PPP1R13B: variants seen among roughly 807,000 people sequenced by gnomAD.
PPP1R13B encodes protein phosphatase 1 regulatory subunit 13B.
Under a neutral mutation model 119.8 loss-of-function variants are expected in PPP1R13B, and 44 were observed. The observed-to-expected ratio is 0.37, with a 90% confidence interval of 0.29 to 0.47. The LOEUF (loss-of-function observed/expected upper bound fraction) is 0.47. Ranked by LOEUF, PPP1R13B falls within the 20% of genes least tolerant of loss-of-function variation. The pLI is 0.99. For synonymous variants in PPP1R13B, 542 were observed against 561.5 expected (o/e 0.97, Z 0.49); for missense variants, 1,227 against 1,413.5 (o/e 0.87, Z 2.12).
intron 3 of PPP1R13B, among the ~76,000 whole-genome samples, chr14:103,782,643 G>C (rs747315455): frequency 2.6e-4 from 39 of 152,144 alleles, no homozygotes; most frequent in Non-Finnish European, 4.4e-4. Flanking sequence ...GCTATTAACT[G>C]TTTTAATCTT....
chr14:103,846,957 G>T, intron 1 of PPP1R13B: 1 of 1,210,632 alleles, frequency 8.3e-7, no homozygotes, highest in South Asian at 1.5e-5. Flanking sequence ...TTTCAGGCGG[G>T]TCACAGCTGC....
chr14:103,771,307 C>CA (rs776942165), intron 4 of PPP1R13B, among the ~76,000 whole-genome samples: 3 of 152,086 alleles, frequency 2.0e-5, no homozygotes, highest in African/African-American at 4.8e-5. Flanking sequence ...GGAAAACGAG[C>CA]AGCTCATTGT....
chr14:103,813,811 G>C (rs2086215286), intron 1 of PPP1R13B, among the ~76,000 whole-genome samples: 1 of 152,066 alleles, frequency 6.6e-6, no homozygotes, highest in Admixed American at 6.6e-5. Flanking sequence ...TCTTAGTGTG[G>C]GTTCATGGTC....
chr14:103,774,656 C>A (rs903363600), intron 4 of PPP1R13B, among the ~76,000 whole-genome samples: 1 of 152,180 alleles, frequency 6.6e-6, no homozygotes, highest in Non-Finnish European at 1.5e-5. Context: ...ACACTCCCCC[C>A]TTTCTTCACA....
Position 103,749,714 on chromosome 14 carries a change from A to C in PPP1R13B, c.969+80T>G, listed in dbSNP as rs931044186. On this transcript the variant is annotated intron_variant, in intron 8 of 16. Coordinates refer to ENST00000202556, the MANE Select transcript of PPP1R13B (RefSeq NM_015316.3). ...TATCAGTTATGGTGGATGGGGGAGC[A>C]TACTGCTACTTACAGAAGATGGGCA... 2.2e-6 allele frequency: 3 copies of C among 1,392,904 alleles called. No homozygotes were observed. In the African/African-American group the frequency reaches 4.3e-5, roughly 20 times the overall value. 86.3% of individuals were successfully genotyped at this position (1,392,904 alleles called of 1,614,324 possible). A position where few individuals can be genotyped will look rare whatever the true frequency, so the allele number is the denominator to read the frequency against.
intron 1 of PPP1R13B, among the ~76,000 whole-genome samples, chr14:103,798,713 A>T (rs1053147129): frequency 2.0e-5 from 3 of 151,832 alleles, no homozygotes; most frequent in Admixed American, 2.0e-4. Flanking sequence ...ACTTTATTTT[A>T]TTTTTTTGAG....
intron 2 of PPP1R13B, among the ~76,000 whole-genome samples, chr14:103,792,540 T>C (rs1269470483): frequency 6.6e-6 from 1 of 152,114 alleles, no homozygotes; most frequent in Admixed American, 6.6e-5. Context: ...TAACTGAACA[T>C]AATTTTCGTT....
At chr14:103,757,797 T>C (rs1358451969) in intron 4 of PPP1R13B, 46 bp from the exon 5 acceptor site, 4 of 1,531,300 alleles carry the variant, frequency 2.6e-6, no homozygotes, top group African/African-American at 2.7e-5. Flanking sequence ...ATCTGCATAA[T>C]TGTCTGTCTC....
At chr14:103,750,928 G>C (rs552831550) in intron 7 of PPP1R13B, among the ~76,000 whole-genome samples, 1 of 150,656 alleles carries the variant, frequency 6.6e-6, no homozygotes, top group South Asian at 2.1e-4. Context: ...GGCCAAGGTA[G>C]GCAGATCACG....
Position 103,742,342 on chromosome 14 carries a change from G to T in PPP1R13B, c.1321-51C>A. 2 of 1,499,020 alleles carry T rather than the reference G, an allele frequency of 1.3e-6. No individual in the cohort carries two copies. Among genetic ancestry groups the T allele is most frequent in the South Asian group, 1.3e-5 (1 of 75,284 alleles). The allele number at this position is 1,499,020 out of a possible 1,614,324, so 92.9% of individuals were successfully genotyped here. The stretch of plus-strand genomic sequence containing the variant: ...ACAAAGTCACCCTTTGAACAGTTAA[G>T]AATATTTCCACCCACATTCCCAAGA... On this transcript the variant is annotated intron_variant, in intron 10 of 16. Transcript: ENST00000202556. This position sits in a 1 kb window ranked among gnomAD's most constrained non-coding sequence, Gnocchi z 4.9.
At chr14:103,778,654 C>T in intron 4 of PPP1R13B, 91 bp downstream of exon 4, 1 of 1,005,258 alleles carries the variant, frequency 9.9e-7, no homozygotes, top group Middle Eastern at 2.1e-4. Context: ...GATCCTCCCA[C>T]CTTGGCCTCC....
Position 103,821,806 on chromosome 14 carries a change from T to G in PPP1R13B, c.10-24288A>C, listed in dbSNP as rs557750648. 1.1e-4 allele frequency among the ~76,000 whole-genome samples: 16 copies of G among 151,960 alleles called. No individual in the cohort carries two copies. The South Asian group carries it at 3.3e-3, about 32-fold the overall frequency. ...AAATAAAGAGGAGCTGACCACAAAA[T>G]AGATCTATAATATGATTTGAAAACA... On this transcript the variant is annotated intron_variant, in intron 1 of 16. Transcript: ENST00000202556.
intron 2 of PPP1R13B, among the ~76,000 whole-genome samples, chr14:103,793,211 GAAAAGGA>G (rs1177795967): frequency 5.6e-5 from 8 of 142,734 alleles, no homozygotes; most frequent in African/African-American, 2.1e-4. Context: ...GGAAAGGAAA[GAAAAGGA>G]AAGAAAAGGA....
chr14:103,737,899 G>T, intron 14 of PPP1R13B, 39 bp from the exon 15 acceptor site: 1 of 1,593,116 alleles, frequency 6.3e-7, no homozygotes, highest in East Asian at 2.3e-5. Context: ...GCCTGGCACT[G>T]CCTGTCCTGT....
At chr14:103,793,463 T>C (rs2085678955) in intron 2 of PPP1R13B, among the ~76,000 whole-genome samples, 2 of 152,156 alleles carry the variant, frequency 1.3e-5, no homozygotes, top group African/African-American at 4.8e-5. Context: ...GCTGCCTTGC[T>C]TTCCCTTCAC....
Position 103,740,056 on chromosome 14 carries a change from G to T in PPP1R13B, c.2360C>A (p.Pro787Gln). The T allele has an allele frequency of 6.2e-7, 1 of 1,614,006 alleles. No individual in the cohort carries two copies. The highest frequency in any genetic ancestry group is 1.1e-5 in the South Asian group (1 of 91,078). The change falls in exon 12 of 17, where the codon CCG becomes CAG. Residue 787 changes from proline to glutamine, a missense_variant. Coordinates refer to ENST00000202556, the MANE Select transcript of PPP1R13B (RefSeq NM_015316.3). This position sits in a 1 kb window ranked among gnomAD's most constrained non-coding sequence, Gnocchi z 4.6. Reference sequence around the variant, plus strand: ...CTCATTATCATTGGCATCTGATGACGGGGCAGGCTCAGCGGGGAGTGGGGC... The same window carrying T: ...CTCATTATCATTGGCATCTGATGACTGGGCAGGCTCAGCGGGGAGTGGGGC... ...PTAPLPAEPAPSSDANDNELP... is the reference protein window; with the variant it reads ...PTAPLPAEPAQSSDANDNELP...
intron 1 of PPP1R13B, chr14:103,818,483 G>A: frequency 1.0e-6 from 1 of 981,454 alleles, no homozygotes; most frequent in Non-Finnish European, 1.2e-6. Flanking sequence ...TCAGGTACCT[G>A]TTTTCACACA....
chr14:103,767,460 C>G (rs74086576), intron 4 of PPP1R13B, among the ~76,000 whole-genome samples: 3,357 of 152,120 alleles, frequency 0.022, 114 homozygotes, highest in African/African-American at 0.076. Flanking sequence ...GGAGTTGTGA[C>G]ACCATTGCAA....
At chr14:103,781,677 A>C (rs2085337550) in intron 3 of PPP1R13B, among the ~76,000 whole-genome samples, 1 of 152,168 alleles carries the variant, frequency 6.6e-6, no homozygotes, top group Non-Finnish European at 1.5e-5. Context: ...TTTGAAACAC[A>C]GTCTCGCTCT....
Sources: allele counts gnomAD v4.1 joint callset (sites outside exome capture counted in the v4.1 genomes callset), GRCh38; gene constraint gnomAD v4.1.1; non-coding constraint Gnocchi (gnomAD v3.1); transcripts MANE v1.5; gene names NCBI Gene and HGNC (gene_info 2026-07-23, HGNC 2026-07-21).